The following TMX3 variants were observed in gnomAD, a reference collection of about 807,000 sequenced individuals.
The protein encoded by TMX3 is thioredoxin related transmembrane protein 3.
TMX3 carries 40 observed loss-of-function variants against 64.4 expected under a neutral mutation model. That is an observed-to-expected ratio of 0.62 (90% confidence interval 0.48 to 0.81). TMX3 has a LOEUF of 0.81. TMX3 is among the 30% of genes least tolerant of loss of function. TMX3 has a pLI of 0.00. For synonymous variants in TMX3, 189 were observed against 175.7 expected, an observed-to-expected ratio of 1.08 and a Z score of -0.60; for missense variants, 497 against 534.5, an observed-to-expected ratio of 0.93 and a Z score of 0.69.
rs201320701 is a variant in TMX3, at chr18:68,686,426, A to G, written c.736+1241T>C. The stretch of plus-strand genomic sequence containing the variant: ...TTTCATGTGAGTCTGAAAGAATCAA[A>G]AAGTCTGGGCACGGTGGCTCACGCC... On this transcript the variant is annotated intron_variant, in intron 10 of 15. Transcript: ENST00000299608. Among the ~76,000 whole-genome samples, 7 of 152,302 alleles carry G rather than the reference A, an allele frequency of 4.6e-5. No individual in the cohort carries two copies. The East Asian group carries it at 1.4e-3, about 29-fold the overall frequency.
Position 68,700,501 on chromosome 18 carries a change from A to T in TMX3, c.312-16T>A, listed in dbSNP as rs2029934879. ...CCCTTTTAATCTTTAAAAAAAAAAA[A>T]AAATTAAAACCTGGATTGTTCTAAC... is the stretch of plus-strand genomic sequence containing the variant. On this transcript the variant is annotated splice_polypyrimidine_tract_variant and intron_variant, in intron 5 of 15. Coordinates refer to ENST00000299608, the MANE Select transcript of TMX3 (RefSeq NM_019022.5). 1 of 1,507,780 alleles carries T rather than the reference A, an allele frequency of 6.6e-7. No homozygotes were observed. The highest frequency in any genetic ancestry group is 1.3e-5 in the South Asian group (1 of 75,340). The allele number at this position is 1,507,780 out of a possible 1,614,324, so 93.4% of individuals were successfully genotyped here.
At chr18:68,713,003 T>TAAAA (rs34191235) in intron 2 of TMX3, among the ~76,000 whole-genome samples, 1 of 122,292 alleles carries the variant, frequency 8.2e-6, no homozygotes, top group Non-Finnish European at 1.8e-5. Flanking sequence ...TCAAGAGGTT[T>TAAAA]AAAAAAAAAA....
intron 15 of TMX3, among the ~76,000 whole-genome samples, chr18:68,678,321 C>A (rs1228929191): frequency 1.3e-5 from 2 of 152,114 alleles, no homozygotes; most frequent in Non-Finnish European, 2.9e-5. Context: ...TCGAGAAGGA[C>A]AACAGGAACT....
In TMX3 at chr18:68,674,483, T is replaced by C. The variant is rs950343000; in HGVS notation, c.*2450A>G. ...AAAAGAGAAGGCAAAAATTCCAACT[T>C]CCTGAAGGACCCCATTATTCATATA... On this transcript the variant is annotated 3_prime_UTR_variant, in exon 16 of 16. Transcript: ENST00000299608. 3 of 152,024 alleles carry C rather than the reference T, an allele frequency of 2.0e-5. No homozygotes were observed. Among genetic ancestry groups the C allele is most frequent in the Admixed American group, 2.0e-4 (3 of 15,238 alleles). The allele number at this position is 152,024 out of a possible 1,614,324, so 9.4% of individuals were successfully genotyped here.
At chr18:68,683,748 A>C (rs991040922) in intron 12 of TMX3, among the ~76,000 whole-genome samples, 2 of 152,136 alleles carry the variant, frequency 1.3e-5, no homozygotes, top group African/African-American at 4.8e-5. Context: ...TGTGCTATAC[A>C]GTAGTCCCCC....
chr18:68,689,150 A>T (rs1447123419), intron 9 of TMX3: 1 of 152,254 alleles, frequency 6.6e-6, no homozygotes, highest in East Asian at 1.9e-4. Context: ...ATAAGGATTC[A>T]AAGTAAAGCC....
At chr18:68,683,019 G>A in intron 12 of TMX3, 38 bp from the exon 13 acceptor site, 1 of 1,574,780 alleles carries the variant, frequency 6.4e-7, no homozygotes, top group Non-Finnish European at 8.7e-7. Context: ...AATAAAAGGA[G>A]AGGGGGTGGG....
chr18:68,690,990 A>C, intron 9 of TMX3: 1 of 283,862 alleles, frequency 3.5e-6, no homozygotes, highest in East Asian at 5.6e-5. Flanking sequence ...ATGTTACTTC[A>C]AAAAAATGAA....
intron 9 of TMX3, 21 bp downstream of exon 9, chr18:68,691,274 A>C (rs1408087762): frequency 1.7e-5 from 25 of 1,513,324 alleles, no homozygotes; most frequent in Non-Finnish European, 2.2e-5. Flanking sequence ...GTTTTACATG[A>C]GTTAAAGATT....
At chr18:68,701,886 T>C in intron 4 of TMX3, 96 bp from the exon 5 acceptor site, 1 of 941,850 alleles carries the variant, frequency 1.1e-6, no homozygotes, top group Non-Finnish European at 1.6e-6. Context: ...GAGATATTTA[T>C]ACAACCCATA....
chr18:68,713,397 G>A (rs950731280), intron 2 of TMX3, among the ~76,000 whole-genome samples: 69 of 152,218 alleles, frequency 4.5e-4, no homozygotes, highest in African/African-American at 1.5e-3. Flanking sequence ...CAAGTTTGGT[G>A]TAGGGAGGGC....
In TMX3 at chr18:68,714,878, C is replaced by A. The variant is rs952791165; in HGVS notation, c.46+58G>T. On this transcript the variant is annotated intron_variant, in intron 1 of 15. Coordinates refer to ENST00000299608, the MANE Select transcript of TMX3 (RefSeq NM_019022.5). ...CCAGACCCGGGTCCAATCCCGGCCC[C>A]ACGGCGGGGCCAGGTCCCACGCGCC... 22 of 1,545,394 alleles carry A rather than the reference C, an allele frequency of 1.4e-5. No individual in the cohort carries two copies. The South Asian group carries it at 2.3e-4, about 16-fold the overall frequency.
chr18:68,708,831 A>C (rs2030984123), intron 4 of TMX3, among the ~76,000 whole-genome samples: 1 of 152,124 alleles, frequency 6.6e-6, no homozygotes. Flanking sequence ...GGGGGTTTTA[A>C]ATACAAGATA....
At chr18:68,699,034 A>T (rs1456832578) in intron 6 of TMX3, among the ~76,000 whole-genome samples, 2 of 151,486 alleles carry the variant, frequency 1.3e-5, no homozygotes, top group Non-Finnish European at 2.9e-5. Flanking sequence ...AAAAAAAAAA[A>T]CCAAAAACTA....
chr18:68,687,333 G>T, intron 10 of TMX3: 1 of 985,338 alleles, frequency 1.0e-6, no homozygotes, highest in Non-Finnish European at 1.2e-6. Flanking sequence ...TAAATAGGTT[G>T]TGCTAAGTTT....
At chr18:68,700,356 A>C in intron 6 of TMX3, 49 bp downstream of exon 6, 1 of 1,263,466 alleles carries the variant, frequency 7.9e-7, no homozygotes, top group Non-Finnish European at 1.1e-6. Context: ...AATATATTTA[A>C]TTTTCAAATA....
At chr18:68,697,369 A>G in intron 7 of TMX3, 66 bp from the exon 8 acceptor site, 1 of 839,174 alleles carries the variant, frequency 1.2e-6, no homozygotes, top group Non-Finnish European at 1.9e-6. Flanking sequence ...ATTCCTCATT[A>G]AACAATGAGA....
In TMX3 at chr18:68,676,807, A is replaced by T; in HGVS notation, c.*126T>A. The stretch of plus-strand genomic sequence containing the variant: ...ATGGAGGGACTACTTTAATCCATGC[A>T]GTTGATATTAGCAAAATACGAATAA... On this transcript the variant is annotated 3_prime_UTR_variant, in exon 16 of 16. Coordinates refer to ENST00000299608, the MANE Select transcript of TMX3 (RefSeq NM_019022.5). 1 of 1,194,552 alleles carries T rather than the reference A, an allele frequency of 8.4e-7. No homozygotes were observed. Among genetic ancestry groups the T allele is most frequent in the Non-Finnish European group, 1.1e-6 (1 of 872,626 alleles). 74.0% of individuals were successfully genotyped at this position (1,194,552 alleles called of 1,614,324 possible).
intron 4 of TMX3, among the ~76,000 whole-genome samples, chr18:68,703,201 C>T (rs1047177683): frequency 6.6e-6 from 1 of 152,194 alleles, no homozygotes; most frequent in South Asian, 2.1e-4. Context: ...GACCCCTTTC[C>T]AAATTAAGAA....
Sources: gnomAD v4.1 joint callset for allele counts (sites outside exome capture counted in the v4.1 genomes callset) on GRCh38, gnomAD v4.1.1 for gene constraint, MANE v1.5 for transcripts, NCBI Gene and HGNC (gene_info 2026-07-23, HGNC 2026-07-21) for gene names.